BCAM: variants seen among roughly 807,000 people sequenced by gnomAD.
BCAM encodes the protein basal cell adhesion molecule (Lutheran blood group), also known as basal cell adhesion molecule.
BCAM carries 61 observed loss-of-function variants against 72.4 expected under a neutral mutation model. The ratio of observed to expected loss-of-function variants is 0.84; its 90% CI spans 0.69 to 1.04. The LOEUF (loss-of-function observed/expected upper bound fraction) is 1.04. Ranked by LOEUF, BCAM falls within the 50% of genes least tolerant of loss-of-function variation. The probability of loss-of-function intolerance (pLI) is 0.00; values close to 1 mark genes in which losing one functional copy is unlikely to be tolerated. For missense variants in BCAM, 909 were observed against 895.0 expected (o/e 1.02, Z -0.20); for synonymous variants, 408 against 384.2 (o/e 1.06, Z -0.73).
Position 44,812,185 on chromosome 19 carries a change from C to A in BCAM, c.227C>A (p.Pro76His). Residue 76 changes from proline to histidine, a missense_variant, in exon 3 of 15, where the codon CCC becomes CAC. Pro to His is a moderately conservative substitution (Grantham distance 77). Transcript: ENST00000270233. The surrounding 1 kb of genome is among the most constrained non-coding windows in gnomAD (Gnocchi z 5.3). ...WFLTDRSGAR[P>H]RLASAEMQGS... ...CAGACCGACCGCTCGGGAGCTCGCC[C>A]CCGCCTAGCCTCGGCTGAGATGCAG... 1 of 1,602,100 alleles carries A rather than the reference C, an allele frequency of 6.2e-7. No individual in the cohort carries two copies. Among genetic ancestry groups the A allele is most frequent in the East Asian group, 2.2e-5 (1 of 44,800 alleles).
rs563489907 is a variant in BCAM at position 44,813,625 on chromosome 19, G to A, written c.784+5G>A. ...CCTTCCACCTCACCCTGCACTGTGAGTCTGTGCTGGCCTTTGACCTCTGAC... is the reference window on the plus strand; with the variant it reads ...CCTTCCACCTCACCCTGCACTGTGAATCTGTGCTGGCCTTTGACCTCTGAC... On this transcript the variant is annotated splice_donor_5th_base_variant and intron_variant, in intron 6 of 14. Transcript: ENST00000270233. This position sits in a 1 kb window ranked among gnomAD's most constrained non-coding sequence, Gnocchi z 4.2. 3.7e-6 allele frequency: 6 copies of A among 1,610,922 alleles called. No homozygotes were observed. Among genetic ancestry groups the A allele is most frequent in the Non-Finnish European group, 5.1e-6 (6 of 1,179,300 alleles).
Position 44,814,051 on chromosome 19 carries a change from CG to C in BCAM, c.785-100del. The C allele has an allele frequency of 7.1e-7, 1 of 1,407,430 alleles. No individual in the cohort carries two copies. Among genetic ancestry groups the C allele is most frequent in the Non-Finnish European group, 9.4e-7 (1 of 1,058,306 alleles). The allele number at this position is 1,407,430 out of a possible 1,614,324, so 87.2% of individuals were successfully genotyped here. A position where few individuals can be genotyped will look rare whatever the true frequency, so the allele number is the denominator to read the frequency against. On this transcript the variant is annotated intron_variant, in intron 6 of 14. Transcript: ENST00000270233. This position sits in a 1 kb window ranked among gnomAD's most constrained non-coding sequence, Gnocchi z 4.6. ...AACCTATGACCCGTAACCTTTGACC[CG>C]CCATAGCCCTCACCTGGGATGCAGG...
At position 44,814,358 on chromosome 19, in the gene BCAM, T is replaced by C; in HGVS notation, c.921+70T>C. ...GACCTCTGTGACCTGCTAACCTGCA[T>C]AACTTCTAATGTGGGACCTGGGAGT... On this transcript the variant is annotated intron_variant, in intron 7 of 14. Coordinates refer to ENST00000270233, the MANE Select transcript of BCAM (RefSeq NM_005581.5). This position sits in a 1 kb window ranked among gnomAD's most constrained non-coding sequence, Gnocchi z 4.6. 1 of 1,529,838 alleles carries C rather than the reference T, an allele frequency of 6.5e-7. No individual in the cohort carries two copies. The highest frequency in any genetic ancestry group is 8.7e-7 in the Non-Finnish European group (1 of 1,146,604). The allele number at this position is 1,529,838 out of a possible 1,614,324, so 94.8% of individuals were successfully genotyped here. A position where few individuals can be genotyped will look rare whatever the true frequency, so the allele number is the denominator to read the frequency against.
intron 8 of BCAM, among the ~76,000 whole-genome samples, chr19:44,817,632 C>T (rs1011385242): frequency 7.9e-5 from 12 of 151,854 alleles, no homozygotes; most frequent in African/African-American, 2.2e-4. Context: ...GCAACCTCCA[C>T]CTCCCAGGTT....
At chr19:44,820,132 A>C (rs1335211181) in intron 13 of BCAM, 2 of 1,017,436 alleles carry the variant, frequency 2.0e-6, no homozygotes, top group African/African-American at 1.8e-5. Context: ...ACCATCCTCA[A>C]CTAAGCTCCT....
chr19:44,813,708 C>A lies in BCAM; in HGVS notation c.784+88C>A. ...CCACCCGGGGGCTTCACACTCCCCT[C>A]TGACCCTCTGCCTCCCTACTTCATG... On this transcript the variant is annotated intron_variant, in intron 6 of 14. Coordinates refer to ENST00000270233, the MANE Select transcript of BCAM (RefSeq NM_005581.5). The surrounding 1 kb of genome is among the most constrained non-coding windows in gnomAD (Gnocchi z 4.2). 6.7e-7 allele frequency: 1 copy of A among 1,491,502 alleles called. No individual in the cohort carries two copies. The allele number at this position is 1,491,502 out of a possible 1,614,324, so 92.4% of individuals were successfully genotyped here.
At chr19:44,820,458 T>G in intron 13 of BCAM, 6 of 1,239,450 alleles carry the variant, frequency 4.8e-6, no homozygotes, top group Non-Finnish European at 6.0e-6. Flanking sequence ...CCCAGACCGA[T>G]CCCAAAGCCA....
intron 1 of BCAM, among the ~76,000 whole-genome samples, chr19:44,810,291 C>T (rs879572980): frequency 7.9e-5 from 12 of 152,150 alleles, no homozygotes; most frequent in Non-Finnish European, 8.8e-5. Context: ...TCAACCTTAT[C>T]CTTTTGCAAG....
chr19:44,813,399 A>G lies in BCAM; in HGVS notation c.602-39A>G, dbSNP rs1466214021. 5.0e-6 allele frequency: 8 copies of G among 1,608,378 alleles called. No homozygotes were observed. The highest frequency in any genetic ancestry group is 1.1e-5 in the South Asian group (1 of 90,894). On this transcript the variant is annotated intron_variant, in intron 5 of 14. Coordinates refer to ENST00000270233, the MANE Select transcript of BCAM (RefSeq NM_005581.5). The surrounding 1 kb of genome is among the most constrained non-coding windows in gnomAD (Gnocchi z 4.2). The stretch of plus-strand genomic sequence containing the variant: ...GTGGGCTGGGGTGGGTGGCGGGGCT[A>G]TGGCCTGGCTGACTGCCACCTCCCC...
intron 1 of BCAM, among the ~76,000 whole-genome samples, chr19:44,810,529 G>C (rs1200623214): frequency 6.6e-6 from 1 of 152,148 alleles, no homozygotes; most frequent in Admixed American, 6.5e-5. Flanking sequence ...GAGCGGAAGA[G>C]ACCCAGGGAC....
In BCAM at chr19:44,820,814, G is replaced by T. The variant is rs139845447; in HGVS notation, c.1873G>T (p.Gly625Ter). 5 of 1,512,710 alleles carry T rather than the reference G, an allele frequency of 3.3e-6. No individual in the cohort carries two copies. In the East Asian group the frequency reaches 1.3e-4, roughly 38 times the overall value. The allele number at this position is 1,512,710 out of a possible 1,614,324, so 93.7% of individuals were successfully genotyped here. Residue 625 changes from glycine (G) to a stop codon, truncating the protein, a stop_gained, in exon 14 of 15, where the codon GGA becomes TGA. Transcript: ENST00000270233. LOFTEE classifies it high-confidence loss of function. The part of the protein sequence containing the change: ...GGARGGSGGF[G>*]DEC ...AGCCAGGGGTGGCAGCGGGGGCTTCGGAGACGAGGTGGGTGAGGGCCTGGG... is the reference window on the plus strand; with the variant it reads ...AGCCAGGGGTGGCAGCGGGGGCTTCTGAGACGAGGTGGGTGAGGGCCTGGG...
rs1291678792 is a variant in BCAM at position 44,811,863 on chromosome 19, G to A, written c.205-300G>A. 7 of 463,024 alleles carry A rather than the reference G, an allele frequency of 1.5e-5. No homozygotes were observed. The Admixed American group carries it at 1.7e-4, about 11-fold the overall frequency. The allele number at this position is 463,024 out of a possible 1,614,324, so 28.7% of individuals were successfully genotyped here. ...TCGAGCCAATGCTCTCCAGCCAGGC[G>A]ACAGAGCAAGACTCTATCTCAAAAA... On this transcript the variant is annotated intron_variant, in intron 2 of 14. Transcript: ENST00000270233.
Position 44,820,307 on chromosome 19 carries a change from A to C in BCAM, c.1764-398A>C, listed in dbSNP as rs181652051. The C allele has an allele frequency of 2.0e-5, 21 of 1,030,158 alleles. No individual in the cohort carries two copies. In the African/African-American group the frequency reaches 3.4e-4, roughly 17 times the overall value. The allele number at this position is 1,030,158 out of a possible 1,614,324, so 63.8% of individuals were successfully genotyped here. A position where few individuals can be genotyped will look rare whatever the true frequency, so the allele number is the denominator to read the frequency against. ...CTAGTCCTCCACCGTCCCGAAGCCA[A>C]CTTCACCCATGTCCCCATCCCCAAT... On this transcript the variant is annotated intron_variant, in intron 13 of 14. Coordinates refer to ENST00000270233, the MANE Select transcript of BCAM (RefSeq NM_005581.5).
chr19:44,818,710 C>T lies in BCAM; in HGVS notation c.1195-31C>T, dbSNP rs756536064. 1 of 1,613,194 alleles carries T rather than the reference C, an allele frequency of 6.2e-7. No homozygotes were observed. The highest frequency in any genetic ancestry group is 1.1e-5 in the South Asian group (1 of 90,982). ...TCTCCCCTCACTCCTCGCCCTCTCA[C>T]AGCGTCCTCCTCCTCCTCTGCCCTT... On this transcript the variant is annotated intron_variant, in intron 9 of 14. Coordinates refer to ENST00000270233, the MANE Select transcript of BCAM (RefSeq NM_005581.5). The surrounding 1 kb of genome is among the most constrained non-coding windows in gnomAD (Gnocchi z 4.6).
intron 13 of BCAM, chr19:44,820,234 C>T (rs1292462524): frequency 1.0e-6 from 1 of 1,002,996 alleles, no homozygotes; most frequent in Non-Finnish European, 1.2e-6. Context: ...AATTTATCCT[C>T]CAAGCCTATC....
rs1968468893 is a variant in BCAM, at chr19:44,814,101, G to C, written c.785-51G>C. The C allele has an allele frequency of 6.5e-7, 1 of 1,536,064 alleles. No individual in the cohort carries two copies. ...GGGCTGACCTCTCGCCTGTCCTCTA[G>C]CCTTGACCCTTCCCCTGATCACAAT... is the stretch of plus-strand genomic sequence containing the variant. On this transcript the variant is annotated intron_variant, in intron 6 of 14. Transcript: ENST00000270233. This position sits in a 1 kb window ranked among gnomAD's most constrained non-coding sequence, Gnocchi z 4.6.
chr19:44,821,170 G>T lies in BCAM; in HGVS notation c.*249G>T. 2.0e-6 allele frequency: 1 copy of T among 504,944 alleles called. No homozygotes were observed. The highest frequency in any genetic ancestry group is 3.4e-6 in the Non-Finnish European group (1 of 296,560). The allele number at this position is 504,944 out of a possible 1,614,324, so 31.3% of individuals were successfully genotyped here. ...GGGAATGTGACTCTCCCAGGCCCCA[G>T]AATAGCTCCTGGACCCAAGCCCAAG... is the stretch of plus-strand genomic sequence containing the variant. On this transcript the variant is annotated 3_prime_UTR_variant, in exon 15 of 15. Coordinates refer to ENST00000270233, the MANE Select transcript of BCAM (RefSeq NM_005581.5).
rs1262729541 is a variant in BCAM, at chr19:44,812,333, C to T, written c.375C>T (p.Cys125=). ...AQVGDERDYV[C]VVRAGAAGTA... ...TGGGCGACGAGCGAGACTACGTGTG[C>T]GTGGTGAGGGCAGGGGCGGCAGGCA... Residue 125 remains cysteine (C), a synonymous_variant, in exon 3 of 15, where the codon TGC becomes TGT. Transcript: ENST00000270233. This position sits in a 1 kb window ranked among gnomAD's most constrained non-coding sequence, Gnocchi z 5.3. 2.5e-6 allele frequency: 4 copies of T among 1,613,170 alleles called. No individual in the cohort carries two copies. Among genetic ancestry groups the T allele is most frequent in the African/African-American group, 1.3e-5 (1 of 75,042 alleles).
chr19:44,819,827 CCCACATCCCA>C, intron 13 of BCAM, 101 bp downstream of exon 13: 2 of 1,437,530 alleles, frequency 1.4e-6, no homozygotes, highest in Non-Finnish European at 9.1e-7. Context: ...TATCCTCCAC[CCCACATCCCA>C]CCACATCCAC....
Sources: allele counts gnomAD v4.1 joint callset (sites outside exome capture counted in the v4.1 genomes callset), GRCh38; gene constraint gnomAD v4.1.1; non-coding constraint Gnocchi (gnomAD v3.1); transcripts MANE v1.5; gene names NCBI Gene and HGNC (gene_info 2026-07-23, HGNC 2026-07-21).